USP34: variants seen among roughly 807,000 people sequenced by gnomAD.
USP34 encodes ubiquitin specific peptidase 34, also known as ubiquitin carboxyl-terminal hydrolase 34.
A neutral mutation model predicts 460.3 loss-of-function variants in USP34; 70 were observed. The ratio of observed to expected loss-of-function variants is 0.15; its 90% CI spans 0.13 to 0.19. USP34 has a LOEUF of 0.19. USP34 is among the 10% of genes least tolerant of loss of function. USP34 has a pLI of 1.00. For missense variants in USP34, 3,985 were observed against 4,236.2 expected (o/e 0.94, Z 1.65); for synonymous variants, 1,647 against 1,405.3 (o/e 1.17, Z -3.85).
chr2:61,297,952 T>C (rs1335430926), intron 29 of USP34, among the ~76,000 whole-genome samples: 1 of 152,144 alleles, frequency 6.6e-6, no homozygotes, highest in African/African-American at 2.4e-5. Flanking sequence ...TGCGCTATAC[T>C]TGAGGAAATG....
chr2:61,269,732 T>A (rs1004092279), intron 41 of USP34, among the ~76,000 whole-genome samples: 2 of 152,158 alleles, frequency 1.3e-5, no homozygotes, highest in African/African-American at 2.4e-5. Flanking sequence ...TTAATGTACA[T>A]CCTTGACATT....
chr2:61,349,346 G>A, intron 12 of USP34, 61 bp from the exon 13 acceptor site: 1 of 1,533,408 alleles, frequency 6.5e-7, no homozygotes, highest in South Asian at 1.2e-5. Context: ...CTTTGAGACA[G>A]CGTATCAGTT....
At chr2:61,413,924 A>G (rs1019997913) in intron 2 of USP34, among the ~76,000 whole-genome samples, 2 of 150,318 alleles carry the variant, frequency 1.3e-5, no homozygotes, top group African/African-American at 4.9e-5. Flanking sequence ...AGTGAGACTC[A>G]GTCTCAAAAA....
chr2:61,369,521 T>G (rs1692544341), intron 10 of USP34, among the ~76,000 whole-genome samples: 1 of 151,670 alleles, frequency 6.6e-6, no homozygotes, highest in South Asian at 2.1e-4. Flanking sequence ...TGCATACCTA[T>G]AGTCCTAGCT....
chr2:61,319,192 T>C lies in USP34; in HGVS notation c.3149A>G (p.Lys1050Arg), dbSNP rs1690840216. ...DQHAMGMETY[K>R]HLFLEKMPQL... ...AATTACCTTCTCCAGGAAAAGATGTTTGTAGGTTTCCATACCCATAGCATG... is the reference window on the plus strand; with the variant it reads ...AATTACCTTCTCCAGGAAAAGATGTCTGTAGGTTTCCATACCCATAGCATG... Residue 1050 changes from lysine to arginine, a missense_variant, in exon 22 of 80, where the codon AAA becomes AGA. Transcript: ENST00000398571. The C allele has an allele frequency of 6.4e-7, 1 of 1,563,838 alleles. No homozygotes were observed.
At chr2:61,442,794 A>G (rs988662755) in intron 1 of USP34, among the ~76,000 whole-genome samples, 10 of 152,150 alleles carry the variant, frequency 6.6e-5, no homozygotes, top group African/African-American at 2.4e-4. Flanking sequence ...TGTATCAGAG[A>G]CGTCTGCATT....
At chr2:61,278,618 A>G (rs1158551568) in intron 39 of USP34, among the ~76,000 whole-genome samples, 175 bp from the exon 40 acceptor site, 1 of 152,196 alleles carries the variant, frequency 6.6e-6, no homozygotes, top group East Asian at 1.9e-4. Context: ...TAACCAAATG[A>G]GTCTTAAACA....
intron 15 of USP34, among the ~76,000 whole-genome samples, chr2:61,346,565 G>C (rs1455921500): frequency 7.0e-6 from 1 of 143,350 alleles, no homozygotes; most frequent in African/African-American, 2.6e-5. Context: ...GCCAGGTGCA[G>C]TGGCTCACGC....
At chr2:61,352,692 A>C (rs1242567857) in intron 10 of USP34, among the ~76,000 whole-genome samples, 1 of 151,830 alleles carries the variant, frequency 6.6e-6, no homozygotes, top group African/African-American at 2.4e-5. Flanking sequence ...AAAAAAAAAA[A>C]AACCCACTCT....
chr2:61,460,972 C>T (rs1433885867), intron 1 of USP34, among the ~76,000 whole-genome samples: 5 of 141,704 alleles, frequency 3.5e-5, no homozygotes, highest in Non-Finnish European at 6.1e-5. Flanking sequence ...CAGGGCGAGA[C>T]TCCATCTCAA....
chr2:61,197,956 T>C (rs1401235017), intron 75 of USP34, among the ~76,000 whole-genome samples: 1 of 152,122 alleles, frequency 6.6e-6, no homozygotes, highest in East Asian at 1.9e-4. Flanking sequence ...AGACAAAGTT[T>C]CACCATGTTG....
intron 1 of USP34, among the ~76,000 whole-genome samples, chr2:61,445,231 A>G (rs1181161000): frequency 6.7e-6 from 1 of 148,698 alleles, no homozygotes; most frequent in East Asian, 1.9e-4. Flanking sequence ...CTAAAAAAAA[A>G]AAAAAAAAAA....
intron 3 of USP34, among the ~76,000 whole-genome samples, chr2:61,399,139 G>C (rs989524546): frequency 6.6e-6 from 1 of 151,960 alleles, no homozygotes; most frequent in Non-Finnish European, 1.5e-5. Flanking sequence ...TGGATCACGA[G>C]GTCAGGAGTT....
chr2:61,335,011 CCAGA>C (rs149895921), intron 18 of USP34, among the ~76,000 whole-genome samples: 5,075 of 152,138 alleles, frequency 0.033, 278 homozygotes, highest in African/African-American at 0.12. Flanking sequence ...GCTATAATGA[CCAGA>C]CAGAGTCAAA....
chr2:61,316,701 A>G (rs956477589), intron 23 of USP34, among the ~76,000 whole-genome samples: 3 of 152,036 alleles, frequency 2.0e-5, no homozygotes, highest in Non-Finnish European at 4.4e-5. Flanking sequence ...CCCCGCCAAC[A>G]TGGTGAAACC....
chr2:61,455,466 T>C (rs1362211010), intron 1 of USP34, among the ~76,000 whole-genome samples: 1 of 151,998 alleles, frequency 6.6e-6, no homozygotes, highest in East Asian at 1.9e-4. Context: ...GGTTTTTTTG[T>C]TTTTGTTTTT....
At chr2:61,234,032 T>C (rs1258688904) in intron 57 of USP34, among the ~76,000 whole-genome samples, 1 of 152,136 alleles carries the variant, frequency 6.6e-6, no homozygotes, top group Non-Finnish European at 1.5e-5. Flanking sequence ...GAATAGGGGA[T>C]AGATGAAACA....
chr2:61,268,439 A>T (rs80258177), intron 41 of USP34, among the ~76,000 whole-genome samples: 123 of 4,384 alleles, frequency 0.028, no homozygotes, highest in African/African-American at 0.16. Context: ...AGCTGTTGTT[A>T]AAAAAAAAAA....
intron 18 of USP34, 72 bp from the exon 19 acceptor site, chr2:61,334,043 T>C (rs1381473249): frequency 9.1e-7 from 1 of 1,097,348 alleles, no homozygotes; most frequent in Non-Finnish European, 1.3e-6. Context: ...TTTAAAATTT[T>C]AAATGCTAAA....
Sources: gnomAD v4.1 joint callset for allele counts (sites outside exome capture counted in the v4.1 genomes callset) on GRCh38, gnomAD v4.1.1 for gene constraint, MANE v1.5 for transcripts, NCBI Gene and HGNC (gene_info 2026-07-23, HGNC 2026-07-21) for gene names.